The following KDM4B variants were observed in gnomAD, a reference collection of about 807,000 sequenced individuals.
The protein encoded by KDM4B is lysine-specific demethylase 4B.
KDM4B carries 32 observed loss-of-function variants against 125.2 expected under a neutral mutation model. The ratio of observed to expected loss-of-function variants is 0.26; its 90% CI spans 0.19 to 0.34. KDM4B has a LOEUF of 0.34. KDM4B is among the 10% of genes least tolerant of loss of function. The pLI, the probability that KDM4B is intolerant of heterozygous loss-of-function variation, is 1.00. For synonymous variants in KDM4B, 721 were observed against 677.9 expected, an observed-to-expected ratio of 1.06 and a Z score of -0.99; for missense variants, 1,190 against 1,577.7, an observed-to-expected ratio of 0.75 and a Z score of 4.16.
chr19:4,996,724 C>T (rs761859203), intron 1 of KDM4B, among the ~76,000 whole-genome samples: 9 of 152,166 alleles, frequency 5.9e-5, no homozygotes, highest in Non-Finnish European at 1.0e-4. Flanking sequence ...CCTGTCTCCT[C>T]GTGCTGGTTC....
chr19:4,979,663 C>G (rs2034570304), intron 1 of KDM4B, among the ~76,000 whole-genome samples: 2 of 152,224 alleles, frequency 1.3e-5, no homozygotes, highest in African/African-American at 2.4e-5. Context: ...AGGGCCACCT[C>G]ACAGTTGCCC....
Position 5,153,220 on chromosome 19 carries a change from G to A in KDM4B, c.*1709G>A, listed in dbSNP as rs2039977644. The A allele has an allele frequency of 6.6e-6, 1 of 152,238 alleles. No homozygotes were observed. The allele number at this position is 152,238 out of a possible 1,614,324, so 9.4% of individuals were successfully genotyped here. A position where few individuals can be genotyped will look rare whatever the true frequency, so the allele number is the denominator to read the frequency against. On this transcript the variant is annotated 3_prime_UTR_variant, in exon 23 of 23. Coordinates refer to ENST00000159111, the MANE Select transcript of KDM4B (RefSeq NM_015015.3). ...GCCGGGGTCGGGGAGGTTGGGGGGT[G>A]TCAGCCAAAACGTGGAGGTGTCCCT...
rs1306008894 is a variant in KDM4B at position 5,081,719 on chromosome 19, A to G, written c.781-648A>G. On this transcript the variant is annotated intron_variant, in intron 8 of 22. Transcript: ENST00000159111. The surrounding 1 kb of genome is among the most constrained non-coding windows in gnomAD (Gnocchi z 4.2). ...GATATTTCTGGATCTCCATGACTTC[A>G]TGGAGATCCCCTTGTTGAGATACAA... Among the ~76,000 whole-genome samples, 1 of 152,106 alleles carries G rather than the reference A, an allele frequency of 6.6e-6. No individual in the cohort carries two copies. Among genetic ancestry groups the G allele is most frequent in the African/African-American group, 2.4e-5 (1 of 41,426 alleles).
chr19:5,012,631 G>A (rs2035764811), intron 1 of KDM4B, among the ~76,000 whole-genome samples: 1 of 152,214 alleles, frequency 6.6e-6, no homozygotes. Context: ...ATGGTAGGGC[G>A]CCCCTCGATT....
At chr19:5,023,466 C>T (rs1445866192) in intron 2 of KDM4B, among the ~76,000 whole-genome samples, 1 of 152,206 alleles carries the variant, frequency 6.6e-6, no homozygotes, top group South Asian at 2.1e-4. Flanking sequence ...AACCTGGCTG[C>T]ATCGCGGGTT....
chr19:4,975,443 G>A (rs896474407), intron 1 of KDM4B, among the ~76,000 whole-genome samples: 25 of 152,156 alleles, frequency 1.6e-4, no homozygotes, highest in African/African-American at 5.1e-4. Context: ...GATTGAACCT[G>A]TGGGTTGTAG....
At chr19:5,005,791 C>T (rs768022083) in intron 1 of KDM4B, among the ~76,000 whole-genome samples, 2 of 152,160 alleles carry the variant, frequency 1.3e-5, no homozygotes, top group Non-Finnish European at 2.9e-5. Flanking sequence ...CATTCTCCAG[C>T]GGCTGCCTCG....
intron 3 of KDM4B, among the ~76,000 whole-genome samples, chr19:5,039,600 C>T (rs915211951): frequency 1.3e-5 from 2 of 152,182 alleles, no homozygotes; most frequent in Non-Finnish European, 2.9e-5. Flanking sequence ...GGGTGCTGTA[C>T]CCAGCTTCCC....
At chr19:5,095,783 G>A (rs9789310) in intron 9 of KDM4B, among the ~76,000 whole-genome samples, 54,513 of 152,158 alleles carry the variant, frequency 0.36, 10,130 homozygotes, top group East Asian at 0.64. Context: ...CAGCCAGGTC[G>A]GACTCCTCAA....
At chr19:5,058,166 G>A (rs997220415) in intron 6 of KDM4B, among the ~76,000 whole-genome samples, 12 of 152,242 alleles carry the variant, frequency 7.9e-5, no homozygotes, top group African/African-American at 2.7e-4. Context: ...TGCCATGTGG[G>A]TGCTGGGTGC....
chr19:5,068,457 G>A (rs1455221777), intron 6 of KDM4B, among the ~76,000 whole-genome samples: 3 of 152,258 alleles, frequency 2.0e-5, no homozygotes, highest in South Asian at 4.1e-4. Context: ...CTAAGCGAAC[G>A]CAAGCGTGCT....
intron 2 of KDM4B, among the ~76,000 whole-genome samples, chr19:5,024,873 G>A (rs1015366023): frequency 2.0e-5 from 3 of 152,152 alleles, no homozygotes; most frequent in Non-Finnish European, 4.4e-5. Flanking sequence ...GCTTGAACCC[G>A]GGAAACGGAG....
At chr19:5,071,389 C>T (rs1273497979) in intron 7 of KDM4B, among the ~76,000 whole-genome samples, 2 of 152,208 alleles carry the variant, frequency 1.3e-5, no homozygotes, top group Non-Finnish European at 2.9e-5. Flanking sequence ...TGTTCATTTT[C>T]CTCCCATCAC....
chr19:5,109,580 A>T (rs745776574), intron 9 of KDM4B, among the ~76,000 whole-genome samples: 1 of 152,208 alleles, frequency 6.6e-6, no homozygotes, highest in Non-Finnish European at 1.5e-5. Context: ...GGGCCATCCT[A>T]TTGGGTGTTT....
At chr19:4,975,913 C>G (rs758885217) in intron 1 of KDM4B, among the ~76,000 whole-genome samples, 3 of 149,522 alleles carry the variant, frequency 2.0e-5, no homozygotes, top group African/African-American at 7.4e-5. Context: ...TTTGTATCTT[C>G]CTAACTTCAA....
At chr19:5,111,117 C>T (rs1283737230) in intron 10 of KDM4B, among the ~76,000 whole-genome samples, 1 of 152,056 alleles carries the variant, frequency 6.6e-6, no homozygotes, top group Non-Finnish European at 1.5e-5. Flanking sequence ...ATGTCCCCGC[C>T]AGGAGGCTGA....
At chr19:5,034,823 G>T (rs902653649) in intron 3 of KDM4B, among the ~76,000 whole-genome samples, 1 of 152,200 alleles carries the variant, frequency 6.6e-6, no homozygotes, top group Non-Finnish European at 1.5e-5. Flanking sequence ...CAAGATGGAT[G>T]TTTTTTCTGT....
At chr19:5,133,216 A>T (rs1398099806) in intron 13 of KDM4B, among the ~76,000 whole-genome samples, 1 of 152,148 alleles carries the variant, frequency 6.6e-6, no homozygotes, top group Non-Finnish European at 1.5e-5. Context: ...TTCAATGGGA[A>T]CAGGCAACAG....
Position 5,131,175 on chromosome 19 carries a change from A to G in KDM4B, c.1415A>G (p.His472Arg). ...LPPQLPPPPA[H>R]FPSEEALWLP... Reference sequence around the variant, plus strand: ...CCACAGCTGCCGCCCCCGCCTGCTCACTTCCCCTCAGAGGAGGCGCTGTGG... The same window carrying G: ...CCACAGCTGCCGCCCCCGCCTGCTCGCTTCCCCTCAGAGGAGGCGCTGTGG... Residue 472 changes from histidine to arginine, a missense_variant, in exon 12 of 23, where the codon CAC becomes CGC. By Grantham distance (29) the His-to-Arg change is conservative (BLOSUM62 0). Transcript: ENST00000159111. 6.3e-7 allele frequency: 1 copy of G among 1,596,064 alleles called. No homozygotes were observed. The highest frequency in any genetic ancestry group is 1.1e-5 in the South Asian group (1 of 89,170).
Sources: gnomAD v4.1 joint callset for allele counts (sites outside exome capture counted in the v4.1 genomes callset) on GRCh38, gnomAD v4.1.1 for gene constraint, Gnocchi (gnomAD v3.1) non-coding constraint, MANE v1.5 for transcripts, NCBI Gene and HGNC (gene_info 2026-07-23, HGNC 2026-07-21) for gene names.